NOTCH3: variants seen among roughly 807,000 people sequenced by gnomAD.
The protein encoded by NOTCH3 is neurogenic locus notch homolog protein 3.
In NOTCH3, 86 loss-of-function variants were observed where a neutral mutation model predicts 213.3. The ratio of observed to expected loss-of-function variants is 0.40; its 90% confidence interval spans 0.34 to 0.48. The LOEUF (loss-of-function observed/expected upper bound fraction) is 0.48. Ranked by LOEUF, NOTCH3 falls within the 20% of genes least tolerant of loss-of-function variation. The pLI, the probability that NOTCH3 is intolerant of heterozygous loss-of-function variation, is 0.57. For missense variants in NOTCH3, 2,783 were observed against 3,272.6 expected, an observed-to-expected ratio of 0.85 and a Z score of 3.65; for synonymous variants, 1,354 against 1,355.9, an observed-to-expected ratio of 1.00 and a Z score of 0.03.
chr19:15,160,991 C>T lies in NOTCH3; in HGVS notation c.6637G>A (p.Ala2213Thr), dbSNP rs1381995133. ...SPQERPPPYL[A>T]VPGHGEEYPA... Reference sequence around the variant, plus strand: ...TACTCCTCGCCATGTCCTGGGACTGCCAGGTAAGGCGGGGGCCGCTCCTGC... The same window carrying T: ...TACTCCTCGCCATGTCCTGGGACTGTCAGGTAAGGCGGGGGCCGCTCCTGC... The change falls in exon 33 of 33, where the codon GCA becomes ACA. Residue 2213 changes from alanine (A) to threonine (T), a missense_variant. Around this residue, in one of 6 missense-constraint regions of NOTCH3, gnomAD observed 441 missense variants for 432.1 expected, o/e 1.02. Transcript: ENST00000263388. 1 of 1,556,704 alleles carries T rather than the reference C, an allele frequency of 6.4e-7. No individual in the cohort carries two copies.
chr19:15,192,306 G>T lies in NOTCH3; in HGVS notation c.341-8C>A, dbSNP rs760030694. On this transcript the variant is annotated splice_region_variant and splice_polypyrimidine_tract_variant and intron_variant, in intron 3 of 32. Coordinates refer to ENST00000263388, the MANE Select transcript of NOTCH3 (RefSeq NM_000435.3). ...GCAGGGAGCAGTCAGGGCCTGGAGG[G>T]ACCAGGACAGGGTGAGTTTAGGACT... 7 of 1,609,094 alleles carry T rather than the reference G, an allele frequency of 4.4e-6. No homozygotes were observed. In the South Asian group the frequency reaches 6.6e-5, roughly 15 times the overall value.
intron 25 of NOTCH3, among the ~76,000 whole-genome samples, chr19:15,173,807 A>G (rs570518657): frequency 4.6e-4 from 68 of 146,320 alleles, no homozygotes; most frequent in Non-Finnish European, 5.8e-4. Context: ...AGAAGAAGAA[A>G]AAAACCCTAC....
Position 15,180,169 on chromosome 19 carries a change from G to T in NOTCH3, c.3230C>A (p.Thr1077Asn). 1 of 1,613,750 alleles carries T rather than the reference G, an allele frequency of 6.2e-7. No homozygotes were observed. Among genetic ancestry groups the T allele is most frequent in the Non-Finnish European group, 8.5e-7 (1 of 1,179,928 alleles). ...CACCTCCTGCTCACAGTGGCTACCA[G>T]TACGGCCCTCTGGGCACACGCAGTA... is the stretch of plus-strand genomic sequence containing the variant. ...SHYCVCPEGR[T>N]GSHCEQEVDP... The change falls in exon 20 of 33, where the codon ACT becomes AAT. Residue 1077 changes from threonine (T) to asparagine (N), a missense_variant. Transcript: ENST00000263388.
chr19:15,177,001 G>A (rs1173455860), intron 24 of NOTCH3, among the ~76,000 whole-genome samples: 1 of 150,608 alleles, frequency 6.6e-6, no homozygotes, highest in Non-Finnish European at 1.5e-5. Flanking sequence ...GAACCCGGGA[G>A]GCGGAGGTTG....
rs1281542816 is a variant in NOTCH3, at chr19:15,161,102, G to C, written c.6526C>G (p.Pro2176Ala). 6.5e-7 allele frequency: 1 copy of C among 1,540,150 alleles called. No homozygotes were observed. The highest frequency in any genetic ancestry group is 2.4e-5 in the East Asian group (1 of 41,296). ...GAGGGGCCTGGAGGGGCAGGTGGGG[G>C]CAGCCGGGCCCAATCGAGGGGCACA... is the stretch of plus-strand genomic sequence containing the variant. ...VAVPLDWARL[P>A]PPAPPGPSFL... is the part of the protein sequence containing the mutation. Residue 2176 changes from proline (P) to alanine (A), a missense_variant, in exon 33 of 33, where the codon CCC becomes GCC. Pro to Ala is a conservative substitution (Grantham distance 27). Transcript: ENST00000263388.
intron 16 of NOTCH3, among the ~76,000 whole-genome samples, chr19:15,182,633 ACT>A (rs1491103959): frequency 2.2e-4 from 33 of 149,936 alleles, no homozygotes; most frequent in African/African-American, 8.3e-4. Flanking sequence ...TTATTTATTT[ACT>A]TTTATTTTTA....
chr19:15,181,616 CT>C lies in NOTCH3; in HGVS notation c.2751del (p.Gly918AlafsTer26). 6.4e-7 allele frequency: 1 copy of C among 1,550,838 alleles called. No individual in the cohort carries two copies. The highest frequency in any genetic ancestry group is 8.7e-7 in the Non-Finnish European group (1 of 1,146,892). On this transcript the variant is annotated frameshift_variant, in exon 17 of 33. Transcript: ENST00000263388. LOFTEE classifies it high-confidence loss of function. ...SFTCTCPPGY[G>X]GFHCEQDLPD... ...GGCAGGTCCTGTTCGCAGTGGAAGCCTCCGTAGCCTGGCGGGCAGGTGCAGG... is the reference window on the plus strand; with the variant it reads ...GGCAGGTCCTGTTCGCAGTGGAAGCCCCGTAGCCTGGCGGGCAGGTGCAGG...
intron 24 of NOTCH3, among the ~76,000 whole-genome samples, chr19:15,175,594 C>A: frequency 1.1e-5 from 1 of 88,366 alleles, no homozygotes; most frequent in African/African-American, 4.9e-5. Context: ...TGTATATACA[C>A]ACACACACAC....
At chr19:15,177,407 T>C in intron 24 of NOTCH3, 118 bp downstream of exon 24, 2 of 880,364 alleles carry the variant, frequency 2.3e-6, no homozygotes, top group East Asian at 5.3e-5. Flanking sequence ...GCAGATAGAG[T>C]GCACAGAGAA....
Position 15,179,044 on chromosome 19 carries a change from A to C in NOTCH3, c.3699T>G (p.Leu1233=), listed in dbSNP as rs758765052. 6.2e-7 allele frequency: 1 copy of C among 1,614,198 alleles called. No individual in the cohort carries two copies. The highest frequency in any genetic ancestry group is 8.5e-7 in the Non-Finnish European group (1 of 1,180,032). Residue 1233 remains leucine (L), a synonymous_variant, in exon 22 of 33, where the codon CTT becomes CTG. Coordinates refer to ENST00000263388, the MANE Select transcript of NOTCH3 (RefSeq NM_000435.3). The part of the protein sequence containing the change: ...LQDPGGGFRC[L]CHAGFSGPRC... ...GCTTACCTGAGAAGCCAGCATGACA[A>C]AGGCAACGGAAACCTCCGCCTGGGT...
intron 1 of NOTCH3, among the ~76,000 whole-genome samples, 157 bp from the exon 2 acceptor site, chr19:15,197,735 C>A (rs1245958225): frequency 2.1e-4 from 1 of 4,784 alleles, no homozygotes; most frequent in African/African-American, 8.1e-4. Context: ...AGTTCCCACG[C>A]CCCCCCCCCC....
intron 24 of NOTCH3, among the ~76,000 whole-genome samples, chr19:15,177,248 C>CG (rs58035858): frequency 0.088 from 12,971 of 147,078 alleles, 1,482 homozygotes; most frequent in African/African-American, 0.27. Flanking sequence ...GACTCCATCT[C>CG]GGGAAAAAAA....
chr19:15,184,386 G>A lies in NOTCH3; in HGVS notation c.2475C>T (p.Ile825=), dbSNP rs372461266. The change falls in exon 16 of 33, where the codon ATC becomes ATT. Residue 825 remains isoleucine, a synonymous_variant. Coordinates refer to ENST00000263388, the MANE Select transcript of NOTCH3 (RefSeq NM_000435.3). The stretch of plus-strand genomic sequence containing the variant: ...TGAAACTCCCTGCCAGGTTGGTGCA[G>A]ATACCATGAGGGCCACAGGGTGCGG... The part of the protein sequence containing the change: ...AGPAPCGPHG[I]CTNLAGSFSC... The A allele has an allele frequency of 3.1e-6, 5 of 1,613,922 alleles. No homozygotes were observed. Among genetic ancestry groups the A allele is most frequent in the Admixed American group, 1.7e-5 (1 of 59,998 alleles).
chr19:15,170,949 A>C (rs781109558), intron 25 of NOTCH3, 124 bp from the exon 26 acceptor site: 41 of 1,047,640 alleles, frequency 3.9e-5, no homozygotes, highest in Non-Finnish European at 5.1e-5. Context: ...ACAGGTCTCC[A>C]TGGCCCACCT....
rs2145380121 is a variant in NOTCH3, at chr19:15,160,872, A to T, written c.6756T>A (p.Pro2252=). The change falls in exon 33 of 33, where the codon CCT becomes CCA. Residue 2252 remains proline (P), a synonymous_variant. Coordinates refer to ENST00000263388, the MANE Select transcript of NOTCH3 (RefSeq NM_000435.3). ...GAGGTGAGGGGCTGGCCCAGTGCTC[A>T]GGGGATTCGGGGGATGGGGTCAGGT... ...HPYLTPSPES[P]EHWASPSPPS... The T allele has an allele frequency of 6.2e-7, 1 of 1,613,726 alleles. No individual in the cohort carries two copies. Among genetic ancestry groups the T allele is most frequent in the Non-Finnish European group, 8.5e-7 (1 of 1,179,754 alleles).
At position 15,179,094 on chromosome 19, in the gene NOTCH3, C is replaced by A. The variant is rs2046816873; in HGVS notation, c.3649G>T (p.Ala1217Ser). ...TCCTGCAGGCAGTCCCGGGTGTGTG[C>A]CGCGTGGCAGGCACCTGAGCGACAC... ...NECRSGACHA[A>S]HTRDCLQDPG... The change falls in exon 22 of 33, where the codon GCA (alanine) becomes TCA (serine). Residue 1217 changes from alanine to serine, a missense_variant. By Grantham distance (99) the Ala-to-Ser change is moderately conservative. Coordinates refer to ENST00000263388, the MANE Select transcript of NOTCH3 (RefSeq NM_000435.3). 1.9e-6 allele frequency: 3 copies of A among 1,614,172 alleles called. No individual in the cohort carries two copies. The highest frequency in any genetic ancestry group is 2.5e-6 in the Non-Finnish European group (3 of 1,180,036).
Position 15,173,073 on chromosome 19 carries a change from T to C in NOTCH3, c.4736+995A>G, listed in dbSNP as rs1189337005. On this transcript the variant is annotated intron_variant, in intron 25 of 32. Coordinates refer to ENST00000263388, the MANE Select transcript of NOTCH3 (RefSeq NM_000435.3). ...TCCTCCCTCTTCTTCTTCTTCTTCT[T>C]CTTCTTCTTCTTCTTCTTCTTCTTC... Among the ~76,000 whole-genome samples, 11 of 26,552 alleles carry C rather than the reference T, an allele frequency of 4.1e-4. 1 individual carries two copies. Among genetic ancestry groups the C allele is most frequent in the African/African-American group, 2.6e-3 (11 of 4,158 alleles). 17.4% of individuals were successfully genotyped at this position (26,552 alleles called of 152,430 possible).
Position 15,174,283 on chromosome 19 carries a change from C to A in NOTCH3, c.4521G>T (p.Leu1507=), listed in dbSNP as rs2046768383. 6.4e-7 allele frequency: 1 copy of A among 1,562,638 alleles called. No individual in the cohort carries two copies. The highest frequency in any genetic ancestry group is 8.7e-7 in the Non-Finnish European group (1 of 1,155,972). The change falls in exon 25 of 33, where the codon CTG becomes CTT. Residue 1507 remains leucine, a synonymous_variant. Transcript: ENST00000263388. The part of the protein sequence containing the change: ...GLDCASEVPA[L]LARGVLVLTV... The stretch of plus-strand genomic sequence containing the variant: ...TGAGCACCAGCACGCCGCGGGCCAG[C>A]AGGGCCGGCACCTCGCTGGCACAAT...
In NOTCH3 at chr19:15,161,386, C is replaced by T. The variant is rs141231747; in HGVS notation, c.6242G>A (p.Gly2081Asp). ...CGGGCAGGCCAGCGTCAGCTTCTTG[C>T]CCCGCCCCCGGGGCCCCTGCGGCCC... ...GLGPQGPRGR[G>D]KKLTLACPGP... The change falls in exon 33 of 33, where the codon GGC becomes GAC. Residue 2081 changes from glycine (G) to aspartate (D), a missense_variant. Transcript: ENST00000263388. The T allele has an allele frequency of 2.2e-5, 33 of 1,523,886 alleles. No homozygotes were observed. Among genetic ancestry groups the T allele is most frequent in the Non-Finnish European group, 2.6e-5 (30 of 1,136,964 alleles). The allele number at this position is 1,523,886 out of a possible 1,614,324, so 94.4% of individuals were successfully genotyped here. A position where few individuals can be genotyped will look rare whatever the true frequency, so the allele number is the denominator to read the frequency against.
Sources: allele counts gnomAD v4.1 joint callset (sites outside exome capture counted in the v4.1 genomes callset), GRCh38; gene constraint gnomAD v4.1.1; regional missense constraint gnomAD v4.1.1; transcripts MANE v1.5; gene names NCBI Gene and HGNC (gene_info 2026-07-23, HGNC 2026-07-21).